Variants in PTPRN2 observed in about 807,000 individuals in gnomAD.
The protein encoded by PTPRN2 is receptor-type tyrosine-protein phosphatase N2.
A neutral mutation model predicts 118.8 loss-of-function variants in PTPRN2; 74 were observed. The observed-to-expected ratio is 0.62, with a 90% CI of 0.52 to 0.76. PTPRN2 has a LOEUF of 0.76. Ranked by LOEUF, PTPRN2 falls within the 30% of genes least tolerant of loss-of-function variation. The pLI is 0.00. For missense variants in PTPRN2, 1,481 were observed against 1,394.4 expected, an observed-to-expected ratio of 1.06 and a Z score of -0.99; for synonymous variants, 641 against 608.0, an observed-to-expected ratio of 1.05 and a Z score of -0.80.
At chr7:157,928,827 G>C (rs1230791293) in intron 11 of PTPRN2, among the ~76,000 whole-genome samples, 1 of 147,258 alleles carries the variant, frequency 6.8e-6, no homozygotes, top group Non-Finnish European at 1.5e-5. Context: ...GCAGGGCAGA[G>C]GGTGGGAGAG....
chr7:157,603,376 G>C lies in PTPRN2; in HGVS notation c.2418+626C>G, dbSNP rs1311964767. On this transcript the variant is annotated intron_variant, in intron 16 of 22. Transcript: ENST00000389418. This position sits in a 1 kb window ranked among gnomAD's most constrained non-coding sequence, Gnocchi z 5.4. Reference sequence around the variant, plus strand: ...CTAGCATGGGCTGAGAGGAGCCCCTGGGAAGTGAGGGACCACAGGCCACAG... The same window carrying C: ...CTAGCATGGGCTGAGAGGAGCCCCTCGGAAGTGAGGGACCACAGGCCACAG... 6.6e-6 allele frequency among the ~76,000 whole-genome samples: 1 copy of C among 152,154 alleles called. No homozygotes were observed. The highest frequency in any genetic ancestry group is 2.4e-5 in the African/African-American group (1 of 41,432).
intron 11 of PTPRN2, among the ~76,000 whole-genome samples, chr7:157,936,583 A>T (rs1799714940): frequency 7.0e-6 from 1 of 143,776 alleles, no homozygotes; most frequent in Non-Finnish European, 1.6e-5. Context: ...TCTACAGTGC[A>T]GGTCGGACAC....
chr7:157,800,374 C>A (rs537037621), intron 12 of PTPRN2, among the ~76,000 whole-genome samples: 3 of 152,226 alleles, frequency 2.0e-5, no homozygotes, highest in Non-Finnish European at 4.4e-5. Context: ...TAGTGCCTGT[C>A]CCTTCTCCGC....
intron 4 of PTPRN2, among the ~76,000 whole-genome samples, chr7:158,202,368 C>CA (rs2150736935): frequency 6.6e-6 from 1 of 152,190 alleles, no homozygotes; most frequent in African/African-American, 2.4e-5. Flanking sequence ...CAGAGTCGGG[C>CA]ATGAGGAAGG....
chr7:158,134,540 TCCTCACGTAAGCCTGTGGGTGGGGCAC>T (rs1182135816), intron 8 of PTPRN2, among the ~76,000 whole-genome samples: 1 of 152,014 alleles, frequency 6.6e-6, no homozygotes, highest in African/African-American at 2.4e-5. Context: ...ACACACTGAG[TCCTCACGTAAGCCTGTGGGTGGGGCAC>T]CCTCAGTAAC....
intron 3 of PTPRN2, among the ~76,000 whole-genome samples, chr7:158,216,758 A>G (rs1827987553): frequency 6.6e-6 from 1 of 152,170 alleles, no homozygotes; most frequent in African/African-American, 2.4e-5. Flanking sequence ...ACAGGATCTA[A>G]TGAACATTTA....
At chr7:158,254,723 A>G (rs758987694) in intron 3 of PTPRN2, among the ~76,000 whole-genome samples, 2 of 152,228 alleles carry the variant, frequency 1.3e-5, no homozygotes, top group Non-Finnish European at 2.9e-5. Context: ...TGCACACAGC[A>G]GTAAAAATGT....
chr7:157,684,027 C>T (rs1379423735), intron 12 of PTPRN2, among the ~76,000 whole-genome samples: 3 of 152,118 alleles, frequency 2.0e-5, no homozygotes, highest in Admixed American at 6.5e-5. Flanking sequence ...TAATTTTCTG[C>T]TCCGTATTCA....
At chr7:157,916,330 G>C (rs1277718792) in intron 11 of PTPRN2, among the ~76,000 whole-genome samples, 2 of 152,184 alleles carry the variant, frequency 1.3e-5, no homozygotes, top group East Asian at 3.9e-4. Context: ...GTCCCAGATG[G>C]GCGGCTGGAG....
At chr7:157,544,812 G>A (rs547776225) in intron 22 of PTPRN2, among the ~76,000 whole-genome samples, 1 of 152,346 alleles carries the variant, frequency 6.6e-6, no homozygotes, top group Admixed American at 6.5e-5. Context: ...GTCTGCTGAG[G>A]GTGTGTGCAC....
At chr7:158,083,852 G>A (rs11767201) in intron 10 of PTPRN2, among the ~76,000 whole-genome samples, 105,472 of 151,932 alleles carry the variant, frequency 0.69, 40,522 homozygotes, top group Middle Eastern at 0.89. Flanking sequence ...GTGGGAGGAC[G>A]GGGCATGAGG....
chr7:158,036,188 A>C (rs1808076873), intron 11 of PTPRN2, among the ~76,000 whole-genome samples: 1 of 152,254 alleles, frequency 6.6e-6, no homozygotes, highest in African/African-American at 2.4e-5. Context: ...ACCACAAGAA[A>C]CTGCAACGCA....
chr7:157,866,141 C>T (rs1016456230), intron 12 of PTPRN2: 3 of 152,170 alleles, frequency 2.0e-5, no homozygotes, highest in Admixed American at 6.5e-5. Context: ...ACACAAACAC[C>T]ACTTGAGTGA....
intron 2 of PTPRN2, among the ~76,000 whole-genome samples, chr7:158,323,849 A>C (rs776631920): frequency 1.3e-5 from 2 of 152,138 alleles, no homozygotes; most frequent in African/African-American, 4.8e-5. Context: ...TACACGGTGC[A>C]TGTATGCACA....
intron 11 of PTPRN2, among the ~76,000 whole-genome samples, chr7:157,984,197 T>A (rs1803536258): frequency 6.6e-6 from 1 of 151,604 alleles, no homozygotes; most frequent in Admixed American, 6.6e-5. Context: ...TAAACCAGCG[T>A]CCCTGCCTGA....
intron 15 of PTPRN2, among the ~76,000 whole-genome samples, chr7:157,613,173 A>G (rs979987668): frequency 6.6e-6 from 1 of 152,170 alleles, no homozygotes; most frequent in Non-Finnish European, 1.5e-5. Flanking sequence ...TGGTTCCTTC[A>G]GCTCCTGAAG....
intron 2 of PTPRN2, among the ~76,000 whole-genome samples, chr7:158,387,513 GGA>G (rs1811505512): frequency 1.5e-3 from 1 of 676 alleles, no homozygotes. Context: ...TTACGATGTT[GGA>G]AAGCACTCTC....
rs1057117027 is a variant in PTPRN2, at chr7:158,003,933, C to T, written c.1723+77365G>A. Among the ~76,000 whole-genome samples, 4 of 152,168 alleles carry T rather than the reference C, an allele frequency of 2.6e-5. No homozygotes were observed. The highest frequency in any genetic ancestry group is 4.4e-5 in the Non-Finnish European group (3 of 68,026). ...TACAATTCCACAAGCTACGAAAAAT[C>T]ATTTGCTACTGTCATAGCAGTATAG... On this transcript the variant is annotated intron_variant, in intron 11 of 22. Coordinates refer to ENST00000389418, the MANE Select transcript of PTPRN2 (RefSeq NM_002847.5). The surrounding 1 kb of genome is among the most constrained non-coding windows in gnomAD (Gnocchi z 5.0).
chr7:157,814,470 G>T (rs1309072913), intron 12 of PTPRN2, among the ~76,000 whole-genome samples: 3 of 150,768 alleles, frequency 2.0e-5, no homozygotes, highest in Non-Finnish European at 4.4e-5. Context: ...GGGGACAGGA[G>T]GGGGCAGGAC....
Sources: gnomAD v4.1 joint callset for allele counts (sites outside exome capture counted in the v4.1 genomes callset) on GRCh38, gnomAD v4.1.1 for gene constraint, Gnocchi (gnomAD v3.1) non-coding constraint, MANE v1.5 for transcripts, NCBI Gene and HGNC (gene_info 2026-07-23, HGNC 2026-07-21) for gene names.